Variants in SIGLEC1 observed in about 807,000 individuals in gnomAD.
SIGLEC1 encodes sialic acid binding Ig like lectin 1, also known as sialoadhesin.
A neutral mutation model predicts 148.0 loss-of-function variants in SIGLEC1; 132 were observed. The observed-to-expected ratio is 0.89, with a 90% confidence interval of 0.77 to 1.03. SIGLEC1 has a LOEUF of 1.03. SIGLEC1 is among the 50% of genes least tolerant of loss of function. SIGLEC1 has a pLI of 0.00. For missense variants in SIGLEC1, 2,253 were observed against 2,271.4 expected (o/e 0.99, Z 0.16); for synonymous variants, 945 against 969.0 (o/e 0.98, Z 0.46).
intron 1 of SIGLEC1, among the ~76,000 whole-genome samples, chr20:3,711,102 G>A (rs1289688339): frequency 6.6e-6 from 1 of 152,222 alleles, no homozygotes; most frequent in Non-Finnish European, 1.5e-5. Flanking sequence ...TGCGGGTCCC[G>A]GGAAAGGGGG....
Position 3,687,921 on chromosome 20 carries a change from A to G in SIGLEC1, c.*639T>C, listed in dbSNP as rs1180618688. 1 of 155,976 alleles carries G rather than the reference A, an allele frequency of 6.4e-6. No homozygotes were observed. Among genetic ancestry groups the G allele is most frequent in the Non-Finnish European group, 1.4e-5 (1 of 70,182 alleles). 9.7% of individuals were successfully genotyped at this position (155,976 alleles called of 1,614,324 possible). ...CTTCTGAGTTGCGTCCACCATGGGC[A>G]TGGGTGTGCTTCTACCTCCACTCTT... On this transcript the variant is annotated 3_prime_UTR_variant, in exon 22 of 22. Coordinates refer to ENST00000344754, the MANE Select transcript of SIGLEC1 (RefSeq NM_023068.4).
chr20:3,689,535 T>C (rs1486877341), intron 20 of SIGLEC1, 65 bp downstream of exon 20: 1 of 1,143,662 alleles, frequency 8.7e-7, no homozygotes, highest in Admixed American at 2.3e-5. Context: ...TGGGGGAATT[T>C]GGGGAGAAGA....
At position 3,692,020 on chromosome 20, in the gene SIGLEC1, C is replaced by G; in HGVS notation, c.4213G>C (p.Ala1405Pro). ...LASGTGHVQV[A>P]RNALRLQVQD... is the part of the protein sequence containing the mutation. Reference sequence around the variant, plus strand: ...ACCTGCAGCCGTAGGGCGTTTCGGGCCACCTGGACATGGCCTGTCCCTGAT... The same window carrying G: ...ACCTGCAGCCGTAGGGCGTTTCGGGGCACCTGGACATGGCCTGTCCCTGAT... Residue 1405 changes from alanine (A) to proline (P), a missense_variant, in exon 17 of 22, where the codon GCC (alanine) becomes CCC (proline). Ala to Pro is a conservative substitution (Grantham distance 27). Coordinates refer to ENST00000344754, the MANE Select transcript of SIGLEC1 (RefSeq NM_023068.4). 1.2e-6 allele frequency: 2 copies of G among 1,613,368 alleles called. No homozygotes were observed.
chr20:3,690,792 G>A (rs999789499), intron 18 of SIGLEC1, among the ~76,000 whole-genome samples: 9 of 151,306 alleles, frequency 5.9e-5, no homozygotes, highest in Middle Eastern at 3.2e-3. Context: ...CACTCAGCAC[G>A]CTTTATTTCT....
At chr20:3,698,236 G>C (rs1404493623) in intron 8 of SIGLEC1, 103 bp from the exon 9 acceptor site, 4 of 1,042,980 alleles carry the variant, frequency 3.8e-6, no homozygotes, top group East Asian at 2.7e-5. Flanking sequence ...GATCCCGAAG[G>C]CTGCCCCAAG....
Position 3,693,508 on chromosome 20 carries a change from G to A in SIGLEC1, c.3447C>T (p.Cys1149=), listed in dbSNP as rs770509839. 4.4e-5 allele frequency: 71 copies of A among 1,609,710 alleles called. No homozygotes were observed. The highest frequency in any genetic ancestry group is 4.5e-5 in the East Asian group (2 of 44,832). The change falls in exon 14 of 22, where the codon TGC becomes TGT. Residue 1149 remains cysteine, a synonymous_variant. Coordinates refer to ENST00000344754, the MANE Select transcript of SIGLEC1 (RefSeq NM_023068.4). The part of the protein sequence containing the change: ...VTVRDATSYR[C]GVGPPGRAPR... ...GTGCCCGACCAGGGGGGCCCACACC[G>A]CAGCGGTAGGAGGTGGCATCCCTGA...
Position 3,692,069 on chromosome 20 carries a change from C to T in SIGLEC1, c.4164G>A (p.Thr1388=), listed in dbSNP as rs547843244. Residue 1388 remains threonine (T), a synonymous_variant, in exon 17 of 22, where the codon ACG becomes ACA. Transcript: ENST00000344754. ...ATGCCAAGCTGTGGACCCCGCTGCT[C>T]GTGGCCAGCACCTTGCCATCATGAG... ...ALSHDGKVLA[T]SSGVHSLASG... 1.9e-5 allele frequency: 31 copies of T among 1,611,724 alleles called. No individual in the cohort carries two copies. The highest frequency in any genetic ancestry group is 1.7e-4 in the Middle Eastern group (1 of 6,046).
intron 18 of SIGLEC1, among the ~76,000 whole-genome samples, 195 bp from the exon 19 acceptor site, chr20:3,690,459 A>G (rs1416465915): frequency 1.3e-5 from 2 of 152,260 alleles, no homozygotes; most frequent in East Asian, 3.8e-4. Context: ...AGACCTCAAG[A>G]GGCCTTGTAG....
At position 3,687,199 on chromosome 20, in the gene SIGLEC1, CT is replaced by C. The variant is rs776560251; in HGVS notation, c.*1360del. On this transcript the variant is annotated 3_prime_UTR_variant, in exon 22 of 22. Coordinates refer to ENST00000344754, the MANE Select transcript of SIGLEC1 (RefSeq NM_023068.4). ...TCCTAGAGCAGAGGGCTCTTCGCTC[CT>C]CACACCATCTCCACCAGGCTGCAGG... 1 of 152,270 alleles carries C rather than the reference CT, an allele frequency of 6.6e-6. No homozygotes were observed. The highest frequency in any genetic ancestry group is 1.5e-5 in the Non-Finnish European group (1 of 68,060). The allele number at this position is 152,270 out of a possible 1,614,324, so 9.4% of individuals were successfully genotyped here.
chr20:3,699,839 C>A (rs952484160), intron 7 of SIGLEC1, among the ~76,000 whole-genome samples: 1 of 151,358 alleles, frequency 6.6e-6, no homozygotes, highest in African/African-American at 2.4e-5. Context: ...GAGACTGAGT[C>A]TCACTCTGTC....
At position 3,689,152 on chromosome 20, in the gene SIGLEC1, T is replaced by C. The variant is rs781284757; in HGVS notation, c.5070+3A>G. ...TATCTGCCCGTGTGTGTTGAATGGA[T>C]ACCTGCGTGGTCTCTTTCTGAAAAG... On this transcript the variant is annotated splice_donor_region_variant and intron_variant, in intron 21 of 21. Transcript: ENST00000344754. 2.7e-5 allele frequency: 43 copies of C among 1,612,896 alleles called. No homozygotes were observed. The highest frequency in any genetic ancestry group is 3.6e-5 in the Non-Finnish European group (42 of 1,178,926).
At position 3,710,171 on chromosome 20, in the gene SIGLEC1, C is replaced by T. The variant is rs2087920581; in HGVS notation, c.-110+2299G>A. Among the ~76,000 whole-genome samples, 1 of 152,214 alleles carries T rather than the reference C, an allele frequency of 6.6e-6. No homozygotes were observed. Among genetic ancestry groups the T allele is most frequent in the Admixed American group, 6.5e-5 (1 of 15,284 alleles). On this transcript the variant is annotated intron_variant, in intron 1 of 21. Transcript: ENST00000344754. This position sits in a 1 kb window ranked among gnomAD's most constrained non-coding sequence, Gnocchi z 4.6. ...GAAGTGGGGACAGGAAACTCATGAC[C>T]TCCCAGCTCCCAGCCCATCCGCCTC...
Position 3,694,423 on chromosome 20 carries a change from G to A in SIGLEC1, c.3054C>T (p.Leu1018=), listed in dbSNP as rs2088801261. ...TGGAGGCCACAAGGCGATCCCCGTG[G>A]AGCAGCCGCAGCTGGGCCGGAGGGT... The part of the protein sequence containing the change: ...DSDPPAQLRL[L]HGDRLVASTL... The change falls in exon 13 of 22, where the codon CTC becomes CTT. Residue 1018 remains leucine (L), a synonymous_variant. Transcript: ENST00000344754. The A allele has an allele frequency of 6.2e-7, 1 of 1,611,986 alleles. No individual in the cohort carries two copies. Among genetic ancestry groups the A allele is most frequent in the African/African-American group, 1.3e-5 (1 of 74,906 alleles).
chr20:3,694,220 C>A lies in SIGLEC1; in HGVS notation c.3256+1G>T, dbSNP rs2088797053. On this transcript the variant is annotated splice_donor_variant, in intron 13 of 21. Coordinates refer to ENST00000344754, the MANE Select transcript of SIGLEC1 (RefSeq NM_023068.4). LOFTEE classifies it high-confidence loss of function. ...ACACACACACACACACACACACTGA[C>A]CTTGAGCGTCGAAGTCAGCTGAGGC... 2.5e-6 allele frequency: 4 copies of A among 1,601,224 alleles called. No individual in the cohort carries two copies. The highest frequency in any genetic ancestry group is 2.6e-6 in the Non-Finnish European group (3 of 1,172,956).
intron 17 of SIGLEC1, 35 bp downstream of exon 17, chr20:3,691,868 T>G: frequency 6.5e-7 from 1 of 1,543,998 alleles, no homozygotes; most frequent in Non-Finnish European, 8.8e-7. Flanking sequence ...CCTGAGAGCA[T>G]CAGAGCCCCT....
chr20:3,704,324 G>C (rs557093782), intron 4 of SIGLEC1, among the ~76,000 whole-genome samples: 159 of 152,256 alleles, frequency 1.0e-3, no homozygotes, highest in African/African-American at 3.7e-3. Flanking sequence ...GTGACGCTTG[G>C]CCAGCGTCCA....
intron 11 of SIGLEC1, 67 bp from the exon 12 acceptor site, chr20:3,694,990 C>G: frequency 1.3e-6 from 2 of 1,509,678 alleles, no homozygotes; most frequent in Non-Finnish European, 1.8e-6. Flanking sequence ...GGACCATGTG[C>G]GTGTCCACCT....
In SIGLEC1 at chr20:3,706,470, T is replaced by C. The variant is rs1169632330; in HGVS notation, c.286A>G (p.Arg96Gly). 3.1e-6 allele frequency: 5 copies of C among 1,613,996 alleles called. No individual in the cohort carries two copies. The highest frequency in any genetic ancestry group is 4.2e-6 in the Non-Finnish European group (5 of 1,180,024). Residue 96 changes from arginine to glycine, a missense_variant, in exon 3 of 22, where the codon AGG becomes GGG. Arg to Gly is a moderately radical substitution (Grantham distance 125). Transcript: ENST00000344754. ...TCCTTCAGCAGCAGGTTGCACACCC[T>C]GTGCTCGGGGTTCCCCATGAACTCG... is the stretch of plus-strand genomic sequence containing the variant. ...RTEFMGNPEHRVCNLLLKDLQ... is the reference protein window; with the variant it reads ...RTEFMGNPEHGVCNLLLKDLQ...
chr20:3,694,737 G>A lies in SIGLEC1; in HGVS notation c.2870C>T (p.Ala957Val). 1 of 1,613,836 alleles carries A rather than the reference G, an allele frequency of 6.2e-7. No individual in the cohort carries two copies. The highest frequency in any genetic ancestry group is 8.5e-7 in the Non-Finnish European group (1 of 1,180,018). The change falls in exon 12 of 22, where the codon GCC becomes GTC. Residue 957 changes from alanine to valine, a missense_variant. By Grantham distance (64) the Ala-to-Val change is moderately conservative (BLOSUM62 0). Transcript: ENST00000344754. ...FAAITLTQAG[A>V]YHCQAQAPGS... is the part of the protein sequence containing the mutation. ...TGGGGCCTGGGCTTGGCAATGATAG[G>A]CCCCAGCTTGTGTCAAAGTTATGGC...
Sources: allele counts gnomAD v4.1 joint callset (sites outside exome capture counted in the v4.1 genomes callset), GRCh38; gene constraint gnomAD v4.1.1; non-coding constraint Gnocchi (gnomAD v3.1); transcripts MANE v1.5; gene names NCBI Gene and HGNC (gene_info 2026-07-23, HGNC 2026-07-21).